SGK1: variants seen among roughly 807,000 people sequenced by gnomAD.
SGK1 encodes the protein serine/threonine-protein kinase Sgk1.
In SGK1, 26 loss-of-function variants were observed where a neutral mutation model predicts 64.2. The ratio of observed to expected loss-of-function variants is 0.40; its 90% CI spans 0.30 to 0.56. The LOEUF is 0.56. Among genes scored for constraint, SGK1 ranks in the 20% least tolerant of loss-of-function variants. The pLI is 0.38. For synonymous variants in SGK1, 265 were observed against 239.7 expected (o/e 1.11, Z -0.98); for missense variants, 519 against 645.6 (o/e 0.80, Z 2.12).
chr6:134,292,336 T>C (rs1777279788), intron 1 of SGK1, among the ~76,000 whole-genome samples: 1 of 152,108 alleles, frequency 6.6e-6, no homozygotes, highest in Non-Finnish European at 1.5e-5. Context: ...CTCATGCCTG[T>C]AATCCCAAAA....
In SGK1 at chr6:134,197,413, G is replaced by A. The variant is rs1031037953; in HGVS notation, c.361+9943C>T. ...GTTATGTTTTTATTGTCTTAAGGGGGCCCTTCATTTGATGGCATAAAAAGT... is the reference window on the plus strand; with the variant it reads ...GTTATGTTTTTATTGTCTTAAGGGGACCCTTCATTTGATGGCATAAAAAGT... On this transcript the variant is annotated intron_variant, in intron 3 of 13. Transcript: ENST00000367858. Among the ~76,000 whole-genome samples the A allele has an allele frequency of 5.3e-5, 8 of 152,096 alleles. No individual in the cohort carries two copies. In the South Asian group the frequency reaches 8.3e-4, roughly 16 times the overall value.
chr6:134,267,050 T>C (rs2114754849), intron 1 of SGK1, among the ~76,000 whole-genome samples: 1 of 152,282 alleles, frequency 6.6e-6, no homozygotes, highest in South Asian at 2.1e-4. Flanking sequence ...ATGATAAATC[T>C]ATTCAAATAT....
intron 1 of SGK1, among the ~76,000 whole-genome samples, chr6:134,264,069 G>A (rs992988135): frequency 6.6e-6 from 1 of 151,878 alleles, no homozygotes; most frequent in Non-Finnish European, 1.5e-5. Flanking sequence ...GTAAAGGCGG[G>A]ATCCAGGCAC....
intron 3 of SGK1, among the ~76,000 whole-genome samples, chr6:134,198,823 G>A (rs946786253): frequency 2.7e-5 from 4 of 148,230 alleles, no homozygotes; most frequent in Non-Finnish European, 4.4e-5. Context: ...ATAGGCATGA[G>A]CTACCAGTAG....
At chr6:134,248,720 A>T (rs1423795600) in intron 2 of SGK1, among the ~76,000 whole-genome samples, 1 of 152,044 alleles carries the variant, frequency 6.6e-6, no homozygotes, top group Non-Finnish European at 1.5e-5. Context: ...CTCATATACA[A>T]CCAATCTCAA....
intron 2 of SGK1, among the ~76,000 whole-genome samples, chr6:134,212,557 C>CT (rs1775909599): frequency 6.6e-6 from 1 of 152,138 alleles, no homozygotes; most frequent in South Asian, 2.1e-4. Flanking sequence ...AGAAGACATC[C>CT]TTTCCAGTAA....
Position 134,298,501 on chromosome 6 carries a change from C to T in SGK1, c.69+18891G>A, listed in dbSNP as rs571352315. ...CTCAGCAGGCTCTGGTTGACTGTGA[C>T]GGCAGTGATGCCTCCCATGCCGCTG... On this transcript the variant is annotated intron_variant, in intron 1 of 13. Transcript: ENST00000367858. The T allele has an allele frequency of 2.6e-4, 211 of 803,508 alleles. 1 individual carries two copies. Among genetic ancestry groups the T allele is most frequent in the African/African-American group, 1.4e-3 (86 of 59,536 alleles). 49.8% of individuals were successfully genotyped at this position (803,508 alleles called of 1,614,324 possible).
chr6:134,304,153 T>TGGCTC (rs1292264858), intron 1 of SGK1, among the ~76,000 whole-genome samples: 3 of 152,188 alleles, frequency 2.0e-5, no homozygotes, highest in Admixed American at 6.5e-5. Flanking sequence ...TCGGACTTTC[T>TGGCTC]GGCTCAGCTC....
chr6:134,209,437 A>G (rs182531853), intron 2 of SGK1, among the ~76,000 whole-genome samples: 55 of 152,282 alleles, frequency 3.6e-4, no homozygotes, highest in African/African-American at 1.3e-3. Flanking sequence ...CTGTCTCAAA[A>G]AAACAAACAA....
At chr6:134,294,149 T>G (rs1777305959) in intron 1 of SGK1, among the ~76,000 whole-genome samples, 1 of 152,220 alleles carries the variant, frequency 6.6e-6, no homozygotes, top group Admixed American at 6.5e-5. Flanking sequence ...CCCTTGGTCC[T>G]TCCTACTCAC....
At chr6:134,298,373 C>T (rs1178520822) in intron 1 of SGK1, 3 of 1,498,670 alleles carry the variant, frequency 2.0e-6, no homozygotes, top group Non-Finnish European at 2.8e-6. Context: ...AGGAACCGTA[C>T]CTTGCCTATG....
At chr6:134,232,437 A>G (rs191914666) in intron 2 of SGK1, among the ~76,000 whole-genome samples, 2,083 of 20,140 alleles carry the variant, frequency 0.1, 185 homozygotes, top group South Asian at 0.22. Flanking sequence ...GAAAGAAAGA[A>G]AGAAAGAAAG....
chr6:134,249,882 T>A (rs1776580824), intron 2 of SGK1, among the ~76,000 whole-genome samples: 2 of 152,224 alleles, frequency 1.3e-5, no homozygotes, highest in South Asian at 4.1e-4. Context: ...AAGAGAACCG[T>A]AATGGTCATC....
chr6:134,174,363 A>G, intron 4 of SGK1, 148 bp downstream of exon 4: 1 of 636,810 alleles, frequency 1.6e-6, no homozygotes, highest in Non-Finnish European at 2.7e-6. Flanking sequence ...AATGTTTAAA[A>G]TGTGTCAAAT....
chr6:134,220,629 T>G (rs1262218361), intron 2 of SGK1, among the ~76,000 whole-genome samples: 1 of 152,142 alleles, frequency 6.6e-6, no homozygotes. Context: ...ATTGGCAAAG[T>G]TAGAGTTCAG....
chr6:134,222,019 AC>A (rs1387785570), intron 2 of SGK1, among the ~76,000 whole-genome samples: 1 of 152,212 alleles, frequency 6.6e-6, no homozygotes, highest in Non-Finnish European at 1.5e-5. Flanking sequence ...ATCCCACTGT[AC>A]TTGAGCTACT....
intron 3 of SGK1, among the ~76,000 whole-genome samples, chr6:134,197,782 C>T (rs756827663): frequency 2.0e-4 from 30 of 150,366 alleles, no homozygotes; most frequent in African/African-American, 4.2e-4. Context: ...ACTGAGATCG[C>T]GCCACTGAGA....
At chr6:134,211,418 A>G (rs75244486) in intron 2 of SGK1, 7,299 of 152,576 alleles carry the variant, frequency 0.048, 537 homozygotes, top group African/African-American at 0.16. Flanking sequence ...TCTTTGCCTC[A>G]TTGAAATCCT....
At chr6:134,215,033 G>C (rs1022903581) in intron 2 of SGK1, 14 of 453,622 alleles carry the variant, frequency 3.1e-5, no homozygotes, top group Non-Finnish European at 4.9e-5. Flanking sequence ...TCAGAAGATG[G>C]GGGTGTATGA....
Sources: allele counts gnomAD v4.1 joint callset (sites outside exome capture counted in the v4.1 genomes callset), GRCh38; gene constraint gnomAD v4.1.1; transcripts MANE v1.5; gene names NCBI Gene and HGNC (gene_info 2026-07-23, HGNC 2026-07-21).